The following VPS41 variants were observed in gnomAD, a reference collection of about 807,000 sequenced individuals.
VPS41 encodes the protein vacuolar protein sorting-associated protein 41 homolog.
VPS41 carries 85 observed loss-of-function variants against 130.9 expected under a neutral mutation model. The ratio of observed to expected loss-of-function variants is 0.65; its 90% confidence interval spans 0.55 to 0.78. The LOEUF is 0.78. Ranked by LOEUF, VPS41 falls within the 30% of genes least tolerant of loss-of-function variation. The probability of loss-of-function intolerance (pLI) is 0.00; values close to 1 mark genes in which losing one functional copy is unlikely to be tolerated. For synonymous variants in VPS41, 335 were observed against 332.9 expected, an observed-to-expected ratio of 1.01 and a Z score of -0.07; for missense variants, 874 against 1,018.7, an observed-to-expected ratio of 0.86 and a Z score of 1.93.
At chr7:38,839,119 C>A (rs145443197) in intron 4 of VPS41, among the ~76,000 whole-genome samples, 3 of 152,380 alleles carry the variant, frequency 2.0e-5, no homozygotes, top group Non-Finnish European at 4.4e-5. Context: ...GCAATCTCAA[C>A]ATCCACATGG....
intron 4 of VPS41, among the ~76,000 whole-genome samples, chr7:38,832,738 T>C (rs1000348177): frequency 6.6e-6 from 1 of 152,128 alleles, no homozygotes; most frequent in East Asian, 1.9e-4. Flanking sequence ...TTGGAGCACG[T>C]AGCACCACTG....
intron 2 of VPS41, among the ~76,000 whole-genome samples, chr7:38,882,862 T>C (rs965595651): frequency 1.3e-5 from 2 of 152,204 alleles, no homozygotes; most frequent in African/African-American, 4.8e-5. Flanking sequence ...TATTCCTACT[T>C]ATCCTCCTTA....
At chr7:38,747,983 C>T (rs1796020129) in intron 22 of VPS41, among the ~76,000 whole-genome samples, 1 of 152,206 alleles carries the variant, frequency 6.6e-6, no homozygotes. Flanking sequence ...ATTTGAGTCT[C>T]TGAAATTTCA....
intron 2 of VPS41, among the ~76,000 whole-genome samples, chr7:38,888,297 C>T (rs1219302279): frequency 2.0e-5 from 3 of 152,062 alleles, no homozygotes; most frequent in African/African-American, 7.2e-5. Context: ...CATGCAAAGA[C>T]ACACATAGGC....
chr7:38,744,472 T>C (rs1329736097), intron 23 of VPS41, among the ~76,000 whole-genome samples: 2 of 152,220 alleles, frequency 1.3e-5, no homozygotes, highest in Non-Finnish European at 2.9e-5. Flanking sequence ...CAAATATTAT[T>C]TCCACAGTTT....
intron 28 of VPS41, 58 bp from the exon 29 acceptor site, chr7:38,726,384 T>C (rs1358057655): frequency 2.9e-6 from 4 of 1,386,024 alleles, no homozygotes; most frequent in East Asian, 2.3e-5. Context: ...TCTACTCTCA[T>C]ATTCAGAAAC....
intron 4 of VPS41, among the ~76,000 whole-genome samples, chr7:38,845,628 A>G (rs1270809831): frequency 1.3e-5 from 2 of 152,230 alleles, no homozygotes; most frequent in African/African-American, 4.8e-5. Context: ...GTTGTTTACA[A>G]TACTAAATTT....
intron 4 of VPS41, among the ~76,000 whole-genome samples, chr7:38,854,914 TA>T (rs1214795674): frequency 4.0e-4 from 54 of 134,886 alleles, no homozygotes; most frequent in Admixed American, 3.7e-4. Context: ...ATGTAAAGGA[TA>T]AAAAAAAAAA....
chr7:38,779,459 T>G lies in VPS41; in HGVS notation c.785-2683A>C, dbSNP rs1327849642. On this transcript the variant is annotated intron_variant, in intron 10 of 28. Transcript: ENST00000310301. ...CAAAATAATGGCCATTTATCTGGTT[T>G]CGAGTACTCTCCCACTCAGCAATTC... Among the ~76,000 whole-genome samples the G allele has an allele frequency of 2.6e-5, 4 of 152,304 alleles. No individual in the cohort carries two copies. The East Asian group carries it at 7.7e-4, about 29-fold the overall frequency.
chr7:38,839,677 C>T (rs750081496), intron 4 of VPS41, among the ~76,000 whole-genome samples: 3 of 151,984 alleles, frequency 2.0e-5, no homozygotes, highest in Admixed American at 2.0e-4. Flanking sequence ...GTGATCCTCC[C>T]GCCTCGGCCT....
chr7:38,764,409 G>C (rs1783987560), intron 16 of VPS41, among the ~76,000 whole-genome samples: 1 of 152,188 alleles, frequency 6.6e-6, no homozygotes, highest in African/African-American at 2.4e-5. Flanking sequence ...AGAGGAAGGG[G>C]AGGTGGGGTC....
Position 38,770,060 on chromosome 7 carries a change from G to A in VPS41, c.1185+1138C>T, listed in dbSNP as rs141029241. On this transcript the variant is annotated intron_variant, in intron 14 of 28. Coordinates refer to ENST00000310301, the MANE Select transcript of VPS41 (RefSeq NM_014396.4). ...CGAGGCAAGCCGATCACCTGAGGTC[G>A]GGAGTTCAAGACCAGCCTGACCAAC... Among the ~76,000 whole-genome samples the A allele has an allele frequency of 5.4e-3, 819 of 152,152 alleles. 5 individuals carry two copies. The highest frequency in any genetic ancestry group is 0.02 in the Middle Eastern group (6 of 294).
chr7:38,853,332 C>T (rs753642347), intron 4 of VPS41, among the ~76,000 whole-genome samples: 1 of 145,854 alleles, frequency 6.9e-6, no homozygotes, highest in Non-Finnish European at 1.5e-5. Context: ...GGCAGGAGAA[C>T]GGCATCAACC....
chr7:38,894,550 G>A (rs1476986550), intron 2 of VPS41, among the ~76,000 whole-genome samples: 2 of 151,986 alleles, frequency 1.3e-5, no homozygotes, highest in Admixed American at 6.6e-5. Flanking sequence ...ATAAACTGAA[G>A]GTCATTAATA....
At chr7:38,775,022 T>C (rs1176331292) in intron 11 of VPS41, among the ~76,000 whole-genome samples, 3 of 152,174 alleles carry the variant, frequency 2.0e-5, no homozygotes, top group Non-Finnish European at 4.4e-5. Flanking sequence ...CAGAGTAGCA[T>C]GTGACTATCC....
At chr7:38,844,807 G>A (rs530465318) in intron 4 of VPS41, among the ~76,000 whole-genome samples, 3 of 152,030 alleles carry the variant, frequency 2.0e-5, no homozygotes, top group Middle Eastern at 3.2e-3. Flanking sequence ...CATAGAAAAT[G>A]ACCATTTGCA....
At chr7:38,825,635 C>T (rs73121386) in intron 5 of VPS41, among the ~76,000 whole-genome samples, 11,994 of 151,582 alleles carry the variant, frequency 0.079, 583 homozygotes, top group African/African-American at 0.13. Context: ...CCTGAACCTG[C>T]TAAAAAAAAA....
chr7:38,791,583 A>G (rs1377252633), intron 9 of VPS41, among the ~76,000 whole-genome samples: 1 of 152,194 alleles, frequency 6.6e-6, no homozygotes, highest in Non-Finnish European at 1.5e-5. Context: ...GGAAGAAGTG[A>G]CATGTAAGTT....
At position 38,759,315 on chromosome 7, in the gene VPS41, A is replaced by C. The variant is rs565573430; in HGVS notation, c.1423-834T>G. ...AGAACTAATTGCTTTCTTGGTGTGTAGCGGAAAAACCCAGATATTTGGTCA... is the reference window on the plus strand; with the variant it reads ...AGAACTAATTGCTTTCTTGGTGTGTCGCGGAAAAACCCAGATATTTGGTCA... On this transcript the variant is annotated intron_variant, in intron 17 of 28. Coordinates refer to ENST00000310301, the MANE Select transcript of VPS41 (RefSeq NM_014396.4). Among the ~76,000 whole-genome samples, 25 of 152,328 alleles carry C rather than the reference A, an allele frequency of 1.6e-4. No individual in the cohort carries two copies. In the South Asian group the frequency reaches 5.2e-3, roughly 32 times the overall value.
Sources: gnomAD v4.1 joint callset for allele counts (sites outside exome capture counted in the v4.1 genomes callset) on GRCh38, gnomAD v4.1.1 for gene constraint, MANE v1.5 for transcripts, NCBI Gene and HGNC (gene_info 2026-07-23, HGNC 2026-07-21) for gene names.